Variants in PARVB observed in about 807,000 individuals in gnomAD.
The protein encoded by PARVB is parvin beta.
PARVB carries 46 observed loss-of-function variants against 47.0 expected under a neutral mutation model. The ratio of observed to expected loss-of-function variants is 0.98; its 90% CI spans 0.77 to 1.25. The LOEUF (loss-of-function observed/expected upper bound fraction) is 1.25. Among genes scored for constraint, PARVB ranks in the 50% most tolerant of loss-of-function variants. PARVB has a pLI of 0.00. For missense variants in PARVB, 473 were observed against 471.6 expected (o/e 1.00, Z -0.03); for synonymous variants, 196 against 196.3 (o/e 1.00, Z 0.01).
Position 44,160,992 on chromosome 22 carries a change from C to T in PARVB, c.946-2866C>T, listed in dbSNP as rs540749990. On this transcript the variant is annotated intron_variant, in intron 11 of 12. Transcript: ENST00000338758. ...GCACGGGAGAGGCACGTGAAAAGAC[C>T]GGTCCAAATTGGTGCTGACTTTTAC... Among the ~76,000 whole-genome samples, 8 of 152,260 alleles carry T rather than the reference C, an allele frequency of 5.3e-5. No homozygotes were observed. The South Asian group carries it at 1.0e-3, about 20-fold the overall frequency.
intron 2 of PARVB, among the ~76,000 whole-genome samples, chr22:44,095,491 G>A (rs2052281275): frequency 6.7e-6 from 1 of 150,296 alleles, no homozygotes; most frequent in African/African-American, 2.5e-5. Context: ...GTGACAGAGC[G>A]AGACATCTCA....
At chr22:44,070,128 CT>C (rs778716429) in intron 1 of PARVB, among the ~76,000 whole-genome samples, 8 of 152,246 alleles carry the variant, frequency 5.3e-5, no homozygotes, top group Non-Finnish European at 1.0e-4. Context: ...ATCCCAGCTC[CT>C]TAACGTGCTT....
intron 1 of PARVB, among the ~76,000 whole-genome samples, chr22:44,063,376 A>G (rs747857601): frequency 6.6e-6 from 1 of 151,776 alleles, no homozygotes; most frequent in African/African-American, 2.4e-5. Flanking sequence ...ACAGGTGTGC[A>G]CCATCATGCT....
At chr22:44,019,451 A>G (rs920049623), upstream of PARVB, among the ~76,000 whole-genome samples, 1 of 151,294 alleles carries the variant, frequency 6.6e-6, no homozygotes, top group Non-Finnish European at 1.5e-5. Flanking sequence ...AACTGCTGAC[A>G]TCAGGTGGAC....
At position 44,068,171 on chromosome 22, in the gene PARVB, CA is replaced by C. The variant is rs2146971853; in HGVS notation, c.113-25756del. Among the ~76,000 whole-genome samples, 1 of 152,306 alleles carries C rather than the reference CA, an allele frequency of 6.6e-6. No individual in the cohort carries two copies. The highest frequency in any genetic ancestry group is 2.1e-4 in the South Asian group (1 of 4,828). On this transcript the variant is annotated intron_variant, in intron 1 of 12. Transcript: ENST00000338758. The surrounding 1 kb of genome is among the most constrained non-coding windows in gnomAD (Gnocchi z 4.1). ...AGCCAGCCTCAGGAAAGAGCTTCCA[CA>C]GGGAGTTGGGGGACTGGTAATTGGA...
At chr22:44,154,770 G>T (rs2053887930) in intron 10 of PARVB, among the ~76,000 whole-genome samples, 1 of 149,240 alleles carries the variant, frequency 6.7e-6, no homozygotes, top group African/African-American at 2.5e-5. Context: ...TGGTGTGTGT[G>T]TGGTTTATGT....
chr22:44,159,816 T>G (rs568250086), intron 11 of PARVB, among the ~76,000 whole-genome samples: 8 of 152,268 alleles, frequency 5.3e-5, no homozygotes, highest in Admixed American at 5.2e-4. Flanking sequence ...CAAAACTGCT[T>G]GCGGATGGGA....
intron 12 of PARVB, among the ~76,000 whole-genome samples, chr22:44,167,600 C>T (rs1278822287): frequency 3.9e-5 from 6 of 152,142 alleles, no homozygotes; most frequent in Admixed American, 3.9e-4. Flanking sequence ...AACTCCATGG[C>T]CGCCATTCTC....
intron 2 of PARVB, among the ~76,000 whole-genome samples, chr22:44,009,772 A>G (rs2050503364): frequency 6.6e-6 from 1 of 151,208 alleles, no homozygotes; most frequent in Non-Finnish European, 1.5e-5. Context: ...ACACATATAT[A>G]TGCTCATATA....
intron 2 of PARVB, among the ~76,000 whole-genome samples, chr22:44,098,479 A>G (rs2052362023): frequency 6.6e-6 from 1 of 152,184 alleles, no homozygotes; most frequent in African/African-American, 2.4e-5. Flanking sequence ...AGGTGGCAGC[A>G]AGGCTTCAAG....
At chr22:44,102,797 G>A (rs2052479654) in intron 3 of PARVB, 2 of 152,460 alleles carry the variant, frequency 1.3e-5, no homozygotes, top group South Asian at 2.1e-4. Flanking sequence ...CTAAGATTAT[G>A]CCTGTGAATA....
rs1226813096 is a variant in PARVB, at chr22:44,155,130, A to C, written c.844-2852A>C. 2.0e-5 allele frequency among the ~76,000 whole-genome samples: 3 copies of C among 152,036 alleles called. No homozygotes were observed. The highest frequency in any genetic ancestry group is 7.2e-5 in the African/African-American group (3 of 41,382). ...CCCTCCTTTTCCAAACCATTCTTACATTGCGGACAGCGTCCCAGCTCTGTG... is the reference window on the plus strand; with the variant it reads ...CCCTCCTTTTCCAAACCATTCTTACCTTGCGGACAGCGTCCCAGCTCTGTG... On this transcript the variant is annotated intron_variant, in intron 10 of 12. Coordinates refer to ENST00000338758, the MANE Select transcript of PARVB (RefSeq NM_013327.5). This position sits in a 1 kb window ranked among gnomAD's most constrained non-coding sequence, Gnocchi z 4.8.
intron 3 of PARVB, chr22:44,111,090 G>A (rs575964809): frequency 6.6e-6 from 1 of 151,118 alleles, no homozygotes; most frequent in South Asian, 2.1e-4. Flanking sequence ...GTCCCTTCAG[G>A]CTTCTCTGTG....
At chr22:44,117,393 G>A (rs535815894) in intron 3 of PARVB, among the ~76,000 whole-genome samples, 1 of 151,972 alleles carries the variant, frequency 6.6e-6, no homozygotes, top group Non-Finnish European at 1.5e-5. Flanking sequence ...CATGGGGGGT[G>A]GGGGAGGCAG....
rs768770414 is a variant in PARVB at position 44,151,545 on chromosome 22, G to T, written c.837G>T (p.Glu279Asp). The T allele has an allele frequency of 8.1e-6, 13 of 1,612,730 alleles. No individual in the cohort carries two copies. Among genetic ancestry groups the T allele is most frequent in the Non-Finnish European group, 1.1e-5 (13 of 1,178,828 alleles). The change falls in exon 10 of 13, where the codon GAG becomes GAT. Residue 279 changes from glutamate to aspartate, a missense_variant. By Grantham distance (45) the Glu-to-Asp change is conservative. Transcript: ENST00000338758. Reference protein sequence around the residue: ...NKLNLEVTELETQFADGVYLV... With the variant: ...NKLNLEVTELDTQFADGVYLV... ...TGAATTTGGAGGTGACGGAACTGGAGACCCAGGTATGTGCTGCTTTGGCTT... is the reference window on the plus strand; with the variant it reads ...TGAATTTGGAGGTGACGGAACTGGATACCCAGGTATGTGCTGCTTTGGCTT...
At chr22:44,071,398 G>T (rs145459097) in intron 1 of PARVB, among the ~76,000 whole-genome samples, 3 of 152,174 alleles carry the variant, frequency 2.0e-5, no homozygotes, top group Admixed American at 2.0e-4. Context: ...AAATGCAAAC[G>T]AATTGAAAAG....
intron 1 of PARVB, among the ~76,000 whole-genome samples, chr22:44,066,780 TCTCCTCCTCCTCCTCCTCCTCCTC>T: frequency 2.1e-5 from 1 of 48,118 alleles, no homozygotes; most frequent in South Asian, 5.7e-4. Context: ...CTTAATTATT[TCTCCTCCTCCTCCTCCTCCTCCTC>T]CTCCTCCTCC....
intron 1 of PARVB, among the ~76,000 whole-genome samples, chr22:44,091,949 T>C (rs1011033084): frequency 4.6e-5 from 7 of 152,080 alleles, no homozygotes; most frequent in African/African-American, 1.7e-4. Flanking sequence ...GGAGGTTGTG[T>C]TGTCCTGGAA....
At chr22:44,001,628 G>A (rs1303511295) in intron 2 of PARVB, among the ~76,000 whole-genome samples, 1 of 152,220 alleles carries the variant, frequency 6.6e-6, no homozygotes, top group Non-Finnish European at 1.5e-5. Flanking sequence ...AAGTTAGGGA[G>A]GTATTGGGAA....
Sources: allele counts gnomAD v4.1 joint callset (sites outside exome capture counted in the v4.1 genomes callset), GRCh38; gene constraint gnomAD v4.1.1; non-coding constraint Gnocchi (gnomAD v3.1); transcripts MANE v1.5; gene names NCBI Gene and HGNC (gene_info 2026-07-23, HGNC 2026-07-21).